Variants in SSH1 observed in about 807,000 individuals in gnomAD.
SSH1 encodes protein phosphatase Slingshot homolog 1.
A neutral mutation model predicts 79.7 loss-of-function variants in SSH1; 43 were observed. That is an observed-to-expected ratio of 0.54 (90% CI 0.42 to 0.70). The LOEUF is 0.70. SSH1 is among the 30% of genes least tolerant of loss of function. The probability of loss-of-function intolerance (pLI) is 0.00; values close to 1 mark genes in which losing one functional copy is unlikely to be tolerated. For synonymous variants in SSH1, 599 were observed against 538.3 expected (o/e 1.11, Z -1.56); for missense variants, 1,206 against 1,358.8 (o/e 0.89, Z 1.77).
At chr12:108,829,385 G>A (rs1438272814) in intron 2 of SSH1, among the ~76,000 whole-genome samples, 1 of 152,112 alleles carries the variant, frequency 6.6e-6, no homozygotes, top group East Asian at 1.9e-4. Context: ...ATATTTCTGG[G>A]TTCCAATTTA....
At chr12:108,852,433 T>C (rs1473363546) in intron 2 of SSH1, among the ~76,000 whole-genome samples, 2 of 151,956 alleles carry the variant, frequency 1.3e-5, no homozygotes, top group African/African-American at 2.4e-5. Context: ...GGTTTCACCA[T>C]GTTGGCCAGG....
At position 108,818,275 on chromosome 12, in the gene SSH1, G is replaced by A. The variant is rs769894199; in HGVS notation, c.253C>T (p.Leu85=). 1.2e-6 allele frequency: 2 copies of A among 1,613,962 alleles called. No individual in the cohort carries two copies. The highest frequency in any genetic ancestry group is 1.1e-5 in the South Asian group (1 of 91,084). Reference sequence around the variant, plus strand: ...AGCTTGATTCTGTCTTCGCAACGCAGAAGGTTGATCATCACCTGAAGATGT... The same window carrying A: ...AGCTTGATTCTGTCTTCGCAACGCAAAAGGTTGATCATCACCTGAAGATGT... ...PQHLQVMINL[L]RCEDRIKLAV... The change falls in exon 4 of 15, where the codon CTG becomes TTG. Residue 85 remains leucine, a synonymous_variant. Coordinates refer to ENST00000326495, the MANE Select transcript of SSH1 (RefSeq NM_018984.4).
chr12:108,854,881 G>C (rs2039113511), intron 1 of SSH1, among the ~76,000 whole-genome samples: 1 of 152,174 alleles, frequency 6.6e-6, no homozygotes, highest in African/African-American at 2.4e-5. Flanking sequence ...ATACACACTT[G>C]CTGTCTCCAT....
intron 2 of SSH1, chr12:108,827,328 G>A (rs1221418726): frequency 5.2e-6 from 8 of 1,550,158 alleles, no homozygotes; most frequent in East Asian, 4.9e-5. Flanking sequence ...TGCAGAAGTC[G>A]GTAAAATAAA....
Position 108,806,327 on chromosome 12 carries a change from C to G in SSH1, c.799G>C (p.Asp267His). 6.2e-7 allele frequency: 1 copy of G among 1,614,084 alleles called. No homozygotes were observed. Among genetic ancestry groups the G allele is most frequent in the Non-Finnish European group, 8.5e-7 (1 of 1,180,016 alleles). ...TCTTTGGAAGTCACATTTTCTAGAT[C>G]CTGGCTCATCATGATGCTTCGGAGC... is the stretch of plus-strand genomic sequence containing the variant. ...AKLRSIMMSQ[D>H]LENVTSKEIR... is the part of the protein sequence containing the mutation. Residue 267 changes from aspartate (D) to histidine (H), a missense_variant, in exon 9 of 15, where the codon GAT (aspartate) becomes CAT (histidine). Asp to His is a moderately conservative substitution (Grantham distance 81). Coordinates refer to ENST00000326495, the MANE Select transcript of SSH1 (RefSeq NM_018984.4).
intron 2 of SSH1, among the ~76,000 whole-genome samples, chr12:108,852,260 G>A (rs951297720): frequency 1.4e-5 from 2 of 148,102 alleles, no homozygotes; most frequent in Non-Finnish European, 3.0e-5. Context: ...TTTTTAAGAC[G>A]GAGTTTTGCT....
At chr12:108,809,830 G>T in intron 6 of SSH1, 72 bp from the exon 7 acceptor site, 2 of 1,352,236 alleles carry the variant, frequency 1.5e-6, no homozygotes, top group Non-Finnish European at 2.1e-6. Context: ...CACTCTGGGA[G>T]GAGGGAGCCA....
At chr12:108,804,477 C>T (rs1010807544) in intron 10 of SSH1, among the ~76,000 whole-genome samples, 5 of 152,190 alleles carry the variant, frequency 3.3e-5, no homozygotes, top group African/African-American at 9.7e-5. Context: ...CTGAGCTAGC[C>T]GTGGAGGTGC....
intron 6 of SSH1, 89 bp from the exon 7 acceptor site, chr12:108,809,847 TGCGCACGCTGGGAACAAGCA>T: frequency 9.1e-7 from 1 of 1,093,500 alleles, no homozygotes; most frequent in Non-Finnish European, 1.4e-6. Context: ...GCCAAACCAC[TGCGCACGCTGGGAACAAGCA>T]CATCTCAGGC....
At chr12:108,798,892 G>C in intron 13 of SSH1, 108 bp downstream of exon 13, 1 of 1,329,912 alleles carries the variant, frequency 7.5e-7, no homozygotes, top group Non-Finnish European at 1.1e-6. Flanking sequence ...GGAAGCGGCT[G>C]CTGGGCCGAA....
At chr12:108,806,188 G>C in intron 9 of SSH1, 113 bp downstream of exon 9, 1 of 1,013,076 alleles carries the variant, frequency 9.9e-7, no homozygotes, top group East Asian at 2.4e-5. Context: ...GCTGATACCA[G>C]AGGACAGGTA....
chr12:108,807,485 G>T lies in SSH1; in HGVS notation c.731+148C>A. ...TGTGTCACAGACCCCTGCTTTAAAC[G>T]CTGGTTCTGAGAAAGCTAGGGTTCT... On this transcript the variant is annotated intron_variant, in intron 8 of 14. Coordinates refer to ENST00000326495, the MANE Select transcript of SSH1 (RefSeq NM_018984.4). The surrounding 1 kb of genome is among the most constrained non-coding windows in gnomAD (Gnocchi z 5.2). 1.5e-6 allele frequency: 1 copy of T among 676,116 alleles called. No homozygotes were observed. Among genetic ancestry groups the T allele is most frequent in the Non-Finnish European group, 2.6e-6 (1 of 391,566 alleles). 41.9% of individuals were successfully genotyped at this position (676,116 alleles called of 1,614,324 possible).
At chr12:108,856,734 C>T (rs1229879014) in intron 1 of SSH1, among the ~76,000 whole-genome samples, 1 of 152,206 alleles carries the variant, frequency 6.6e-6, no homozygotes. Context: ...GGCACAGTCC[C>T]CGGACGGCAG....
chr12:108,846,941 G>C (rs1220441407), intron 2 of SSH1, among the ~76,000 whole-genome samples: 1 of 152,108 alleles, frequency 6.6e-6, no homozygotes, highest in African/African-American at 2.4e-5. Flanking sequence ...CTGTCACCCA[G>C]GATGGAGTGC....
intron 3 of SSH1, among the ~76,000 whole-genome samples, chr12:108,819,674 A>C (rs1005021403): frequency 2.6e-5 from 4 of 152,072 alleles, no homozygotes; most frequent in Non-Finnish European, 5.9e-5. Flanking sequence ...ACAGAAAAGT[A>C]AAAAATTAGC....
In SSH1 at chr12:108,792,785, C is replaced by T; in HGVS notation, c.1394G>A (p.Ser465Asn). 1 of 1,613,922 alleles carries T rather than the reference C, an allele frequency of 6.2e-7. No homozygotes were observed. The highest frequency in any genetic ancestry group is 8.5e-7 in the Non-Finnish European group (1 of 1,180,032). ...NKLWRQQTDS[S>N]LQQPVDDPAG... ...AGGGTCATCCACAGGCTGCTGGAGG[C>T]TGCTGTCTGTCTGCTGACGCCACAG... The change falls in exon 14 of 15, where the codon AGC becomes AAC. Residue 465 changes from serine (S) to asparagine (N), a missense_variant. Physicochemically the swap from Ser to Asn is conservative, Grantham distance 46. Around this residue, in one of 5 missense-constraint regions of SSH1, gnomAD observed 166 missense variants for 262.9 expected, o/e 0.63. Coordinates refer to ENST00000326495, the MANE Select transcript of SSH1 (RefSeq NM_018984.4).
intron 8 of SSH1, among the ~76,000 whole-genome samples, chr12:108,806,877 C>T (rs1415484902): frequency 6.6e-6 from 1 of 152,222 alleles, no homozygotes; most frequent in Admixed American, 6.5e-5. Context: ...TCCTTCTTCC[C>T]CATGAGGAAT....
chr12:108,813,164 G>A (rs1039166828), intron 5 of SSH1, among the ~76,000 whole-genome samples: 2 of 152,098 alleles, frequency 1.3e-5, no homozygotes, highest in Non-Finnish European at 1.5e-5. Context: ...ACATAGTAAG[G>A]GAAGCTGAAT....
chr12:108,793,822 G>A (rs1323231251), intron 13 of SSH1, among the ~76,000 whole-genome samples: 1 of 152,204 alleles, frequency 6.6e-6, no homozygotes, highest in Non-Finnish European at 1.5e-5. Flanking sequence ...AAAAGAGAGA[G>A]GTAAATGTAA....
Sources: gnomAD v4.1 joint callset for allele counts (sites outside exome capture counted in the v4.1 genomes callset) on GRCh38, gnomAD v4.1.1 for gene constraint, gnomAD v4.1.1 regional missense constraint, Gnocchi (gnomAD v3.1) non-coding constraint, MANE v1.5 for transcripts, NCBI Gene and HGNC (gene_info 2026-07-23, HGNC 2026-07-21) for gene names.